Variants in PHF24 observed in about 807,000 individuals in gnomAD.
PHF24 encodes the protein PHD finger protein 24, also known as Galpha inhibitory interacting protein.
A neutral mutation model predicts 42.6 loss-of-function variants in PHF24; 25 were observed. The ratio of observed to expected loss-of-function variants is 0.59; its 90% confidence interval spans 0.43 to 0.82. The LOEUF is 0.82. PHF24 is among the 40% of genes least tolerant of loss of function. The pLI is 0.00. For missense variants in PHF24, 470 were observed against 538.1 expected (o/e 0.87, Z 1.25); for synonymous variants, 185 against 204.8 (o/e 0.90, Z 0.83).
chr9:34,809,227 T>C, the PHF24 span, among the ~76,000 whole-genome samples: 1 of 152,072 alleles, frequency 6.6e-6, no homozygotes, highest in Non-Finnish European at 1.5e-5. The surrounding 1 kb of genome is among the most constrained non-coding windows in gnomAD (Gnocchi z 4.1). Flanking sequence ...ACACAAGGTA[T>C]GCCAAATGTA....
At chr9:34,909,623 C>CT in the PHF24 span, among the ~76,000 whole-genome samples, 302 of 150,548 alleles carry the variant, frequency 2.0e-3, 2 homozygotes, top group African/African-American at 6.4e-3. Flanking sequence ...GAGAAGAAAT[C>CT]CTTTTTTTTT....
chr9:34,800,457 T>C, the PHF24 span, among the ~76,000 whole-genome samples: 1 of 152,128 alleles, frequency 6.6e-6, no homozygotes, highest in Non-Finnish European at 1.5e-5. Flanking sequence ...ATGGTACTGG[T>C]ACCAAAACAG....
chr9:34,850,982 G>C, the PHF24 span, among the ~76,000 whole-genome samples: 2 of 152,158 alleles, frequency 1.3e-5, no homozygotes, highest in Non-Finnish European at 2.9e-5. Context: ...GGAGTACCCG[G>C]CCATGTGAGG....
At chr9:34,830,198 A>G in the PHF24 span, among the ~76,000 whole-genome samples, 1 of 152,230 alleles carries the variant, frequency 6.6e-6, no homozygotes, top group African/African-American at 2.4e-5. Context: ...TGACTTTAAA[A>G]TCTGCATTCT....
At chr9:34,981,316 T>G (rs1827383603) in exon 8 of PHF24, 1 of 152,198 alleles carries the variant, frequency 6.6e-6, no homozygotes, top group Non-Finnish European at 1.5e-5. Flanking sequence ...CTGTCACCAT[T>G]ATGAAAAACA....
the PHF24 span, among the ~76,000 whole-genome samples, chr9:34,914,644 T>C: frequency 1.8e-4 from 27 of 152,232 alleles, no homozygotes; most frequent in Admixed American, 1.8e-3. Context: ...TACACAACTT[T>C]TGTTTCATTG....
the PHF24 span, among the ~76,000 whole-genome samples, chr9:34,817,543 G>A: frequency 2.6e-5 from 4 of 152,024 alleles, no homozygotes; most frequent in African/African-American, 9.7e-5. Context: ...TCTTTTTGTG[G>A]GAGTTGTTTG....
the PHF24 span, among the ~76,000 whole-genome samples, chr9:34,705,877 A>G: frequency 6.6e-6 from 1 of 152,180 alleles, no homozygotes; most frequent in Non-Finnish European, 1.5e-5. Context: ...CAGCTTGGGC[A>G]ATATAGTGAG....
At chr9:34,782,286 CA>C in the PHF24 span, among the ~76,000 whole-genome samples, 1 of 152,090 alleles carries the variant, frequency 6.6e-6, no homozygotes, top group Non-Finnish European at 1.5e-5. Context: ...AGAGGAGGGA[CA>C]GGGGAGGATT....
chr9:34,851,085 T>G, the PHF24 span, among the ~76,000 whole-genome samples: 2 of 152,134 alleles, frequency 1.3e-5, no homozygotes, highest in Non-Finnish European at 2.9e-5. Context: ...CTGCCCGTTC[T>G]CAGATCTCCA....
the PHF24 span, among the ~76,000 whole-genome samples, chr9:34,830,324 A>G: frequency 2.0e-5 from 3 of 152,242 alleles, no homozygotes; most frequent in African/African-American, 7.2e-5. Flanking sequence ...TTTTGCCTTA[A>G]AATCATTCTT....
chr9:34,844,958 T>C, the PHF24 span, among the ~76,000 whole-genome samples: 2 of 152,158 alleles, frequency 1.3e-5, no homozygotes, highest in African/African-American at 4.8e-5. Context: ...GTCTTATTTT[T>C]CCCTTTAGAC....
At chr9:34,879,869 G>T in the PHF24 span, among the ~76,000 whole-genome samples, 1 of 152,046 alleles carries the variant, frequency 6.6e-6, no homozygotes, top group African/African-American at 2.4e-5. Flanking sequence ...GATACTCCTC[G>T]AGAAGAGCAA....
chr9:34,974,522 G>T (rs1421217263), intron 3 of PHF24, among the ~76,000 whole-genome samples: 1 of 152,082 alleles, frequency 6.6e-6, no homozygotes, highest in African/African-American at 2.4e-5. Context: ...TCTTTGCTTG[G>T]TATCCAGTAC....
chr9:34,917,650 G>A, the PHF24 span: 4 of 778,390 alleles, frequency 5.1e-6, no homozygotes. Context: ...CGGGGCCTCA[G>A]ACTCCATATT....
chr9:34,871,065 A>G, the PHF24 span, among the ~76,000 whole-genome samples: 2 of 152,350 alleles, frequency 1.3e-5, no homozygotes, highest in African/African-American at 4.8e-5. Flanking sequence ...CCTACCAGCA[A>G]TGAACGAGAG....
At chr9:34,815,023 C>T in the PHF24 span, among the ~76,000 whole-genome samples, 64 of 152,288 alleles carry the variant, frequency 4.2e-4, no homozygotes, top group African/African-American at 1.3e-3. Context: ...TGAGCCACCG[C>T]GCTTGGCACA....
chr9:34,872,945 C>G, the PHF24 span, among the ~76,000 whole-genome samples: 1 of 151,040 alleles, frequency 6.6e-6, no homozygotes, highest in Admixed American at 6.6e-5. Flanking sequence ...ATTTGCATTT[C>G]TCTGATGGCC....
the PHF24 span, among the ~76,000 whole-genome samples, chr9:34,680,745 AG>A: frequency 1.3e-5 from 2 of 152,078 alleles, no homozygotes; most frequent in African/African-American, 4.8e-5. Context: ...AACCAATACA[AG>A]AAGAGAATAA....
Sources: allele counts gnomAD v4.1 joint callset (sites outside exome capture counted in the v4.1 genomes callset), GRCh38; gene constraint gnomAD v4.1.1; non-coding constraint Gnocchi (gnomAD v3.1); transcripts MANE v1.5; gene names NCBI Gene and HGNC (gene_info 2026-07-23, HGNC 2026-07-21).